MYCT1: variants seen among roughly 807,000 people sequenced by gnomAD.
MYCT1 encodes the protein MYC target 1.
In MYCT1, 12 loss-of-function variants were observed where a neutral mutation model predicts 15.0. That is an observed-to-expected ratio of 0.80 (90% CI 0.51 to 1.29). MYCT1 has a LOEUF of 1.29. Ranked by LOEUF, MYCT1 falls within the 50% of genes most tolerant of loss-of-function variation. MYCT1 has a pLI of 0.00. For synonymous variants in MYCT1, 104 were observed against 102.7 expected, an observed-to-expected ratio of 1.01 and a Z score of -0.07; for missense variants, 287 against 279.1, an observed-to-expected ratio of 1.03 and a Z score of -0.20.
At chr6:152,744,654 G>T in the MYCT1 span, among the ~76,000 whole-genome samples, 4 of 151,962 alleles carry the variant, frequency 2.6e-5, no homozygotes, top group African/African-American at 9.7e-5. Context: ...TGGCCTAGGG[G>T]AATAAATACC....
At position 152,714,537 on chromosome 6, in the gene MYCT1, T is replaced by G. The variant is rs138708723; in HGVS notation, c.197-7205T>G. On this transcript the variant is annotated intron_variant, in intron 1 of 1. Transcript: ENST00000367245. ...CATGTTTCGATATTTCACAATTTTATCAGAATTCAGTTAAAATATTTTATA... is the reference window on the plus strand; with the variant it reads ...CATGTTTCGATATTTCACAATTTTAGCAGAATTCAGTTAAAATATTTTATA... 2.1e-3 allele frequency among the ~76,000 whole-genome samples: 320 copies of G among 151,358 alleles called. 5 individuals carry two copies. In the South Asian group the frequency reaches 0.034, roughly 16 times the overall value.
At chr6:152,705,956 A>C (rs1430741960) in intron 1 of MYCT1, 4 of 780,150 alleles carry the variant, frequency 5.1e-6, no homozygotes, top group Non-Finnish European at 7.1e-6. Flanking sequence ...TGGAAAAAGC[A>C]ATTATTGACC....
At chr6:152,728,621 C>T (rs912795760), downstream of MYCT1, among the ~76,000 whole-genome samples, 1 of 152,016 alleles carries the variant, frequency 6.6e-6, no homozygotes, top group Non-Finnish European at 1.5e-5. Flanking sequence ...AGAGGCAGGG[C>T]GTGGTGGCTC....
chr6:152,714,131 G>T (rs908506266), intron 1 of MYCT1, among the ~76,000 whole-genome samples: 13 of 151,800 alleles, frequency 8.6e-5, no homozygotes, highest in African/African-American at 2.7e-4. Context: ...TCTTACTCTT[G>T]ATATTGGTGA....
chr6:152,740,936 G>C, the MYCT1 span, among the ~76,000 whole-genome samples: 2 of 152,112 alleles, frequency 1.3e-5, no homozygotes, highest in Non-Finnish European at 2.9e-5. Flanking sequence ...AGCTGAGAGA[G>C]GAGTTTCAGG....
chr6:152,701,336 A>G (rs2099721269), intron 1 of MYCT1, among the ~76,000 whole-genome samples: 1 of 152,216 alleles, frequency 6.6e-6, no homozygotes, highest in Admixed American at 6.5e-5. Context: ...GCAAATATGC[A>G]GAAGTAAAAA....
At chr6:152,726,004 A>G (rs975891329), downstream of MYCT1, among the ~76,000 whole-genome samples, 2 of 152,184 alleles carry the variant, frequency 1.3e-5, no homozygotes, top group African/African-American at 2.4e-5. Flanking sequence ...CTGGAGTAAA[A>G]TGGCTGCAGT....
At chr6:152,727,262 A>G (rs2099725819), downstream of MYCT1, among the ~76,000 whole-genome samples, 1 of 152,034 alleles carries the variant, frequency 6.6e-6, no homozygotes, top group Non-Finnish European at 1.5e-5. Context: ...TGTGCCCATG[A>G]ATTTTGTAAA....
intron 1 of MYCT1, among the ~76,000 whole-genome samples, chr6:152,703,680 C>A (rs1205726249): frequency 6.6e-6 from 1 of 152,038 alleles, no homozygotes; most frequent in Non-Finnish European, 1.5e-5. Context: ...CAAATCATAA[C>A]AGAACCTTTG....
intron 1 of MYCT1, among the ~76,000 whole-genome samples, chr6:152,707,836 C>G (rs1390362423): frequency 6.6e-6 from 1 of 151,940 alleles, no homozygotes; most frequent in Non-Finnish European, 1.5e-5. Context: ...GGCTTCCTCC[C>G]TATTATGTTT....
At chr6:152,720,086 C>T (rs1378575232) in intron 1 of MYCT1, among the ~76,000 whole-genome samples, 1 of 151,658 alleles carries the variant, frequency 6.6e-6, no homozygotes, top group African/African-American at 2.4e-5. Context: ...GTGTCACAGT[C>T]ATTTGGTGAG....
At chr6:152,731,143 A>G in the MYCT1 span, among the ~76,000 whole-genome samples, 6 of 152,244 alleles carry the variant, frequency 3.9e-5, no homozygotes, top group Non-Finnish European at 7.4e-5. Flanking sequence ...AAGTCAATAA[A>G]TCTTGCCTAA....
intron 1 of MYCT1, among the ~76,000 whole-genome samples, chr6:152,718,254 A>G (rs2099724085): frequency 6.6e-6 from 1 of 152,188 alleles, no homozygotes; most frequent in Admixed American, 6.5e-5. Flanking sequence ...AATATATTCT[A>G]TAATAACTTG....
intron 1 of MYCT1, among the ~76,000 whole-genome samples, 164 bp from the exon 2 acceptor site, chr6:152,721,578 C>T (rs1005185028): frequency 3.3e-5 from 5 of 152,144 alleles, no homozygotes; most frequent in African/African-American, 1.2e-4. Context: ...GCATTATCAG[C>T]TTCCATTTGT....
At chr6:152,701,925 AG>A (rs1288840766) in intron 1 of MYCT1, among the ~76,000 whole-genome samples, 1 of 152,164 alleles carries the variant, frequency 6.6e-6, no homozygotes, top group African/African-American at 2.4e-5. Flanking sequence ...GGGCTACATC[AG>A]GTGCCCTTGG....
chr6:152,715,227 T>C (rs192746045), intron 1 of MYCT1, among the ~76,000 whole-genome samples: 363 of 152,326 alleles, frequency 2.4e-3, no homozygotes, highest in Non-Finnish European at 3.0e-3. Flanking sequence ...GAAAATATTT[T>C]ATTCTCCATT....
At position 152,721,802 on chromosome 6, in the gene MYCT1, T is replaced by C. The variant is rs545617269; in HGVS notation, c.257T>C (p.Ile86Thr). Residue 86 changes from isoleucine (I) to threonine (T), a missense_variant, in exon 2 of 2, where the codon ATT (isoleucine) becomes ACT (threonine). Ile to Thr is a moderately conservative substitution (Grantham distance 89, BLOSUM62 -1). Transcript: ENST00000367245. The part of the protein sequence containing the change: ...MAIGLVLGGF[I>T]WAVFICLSRR... ...ATCGGGCTGGTACTTGGAGGATTTA[T>C]TTGGGCTGTGTTCATTTGTCTGTCT... 9 of 1,614,116 alleles carry C rather than the reference T, an allele frequency of 5.6e-6. 1 individual carries two copies. The South Asian group carries it at 9.9e-5, about 18-fold the overall frequency.
At chr6:152,739,661 A>G in the MYCT1 span, among the ~76,000 whole-genome samples, 1 of 152,020 alleles carries the variant, frequency 6.6e-6, no homozygotes, top group Non-Finnish European at 1.5e-5. Context: ...TTTAATATTT[A>G]TTACCCATTT....
chr6:152,734,039 A>G, the MYCT1 span, among the ~76,000 whole-genome samples: 3 of 152,032 alleles, frequency 2.0e-5, no homozygotes, highest in Admixed American at 6.6e-5. Flanking sequence ...GGTCTTAAAA[A>G]TTAAAAACAG....
Sources: allele counts gnomAD v4.1 joint callset (sites outside exome capture counted in the v4.1 genomes callset), GRCh38; gene constraint gnomAD v4.1.1; transcripts MANE v1.5; gene names NCBI Gene and HGNC (gene_info 2026-07-23, HGNC 2026-07-21).